Variants in KIRREL3 observed in about 807,000 individuals in gnomAD.
KIRREL3 encodes the protein kirre like nephrin family adhesion molecule 3.
Under a neutral mutation model 89.7 loss-of-function variants are expected in KIRREL3, and 36 were observed. The observed-to-expected ratio is 0.40, with a 90% CI of 0.31 to 0.53. The LOEUF (loss-of-function observed/expected upper bound fraction) is 0.53, where lower values mean the gene tolerates loss of function less well. Ranked by LOEUF, KIRREL3 falls within the 20% of genes least tolerant of loss-of-function variation. The pLI is 0.49. For synonymous variants in KIRREL3, 445 were observed against 441.4 expected, an observed-to-expected ratio of 1.01 and a Z score of -0.10; for missense variants, 864 against 1,056.6, an observed-to-expected ratio of 0.82 and a Z score of 2.53.
At chr11:126,911,692 T>C (rs868139663) in intron 1 of KIRREL3, among the ~76,000 whole-genome samples, 2 of 152,022 alleles carry the variant, frequency 1.3e-5, no homozygotes, top group Non-Finnish European at 2.9e-5. Flanking sequence ...GATGTGTCCA[T>C]AAGAACGGCA....
Position 126,719,307 on chromosome 11 carries a change from C to T in KIRREL3, c.56-156395G>A, listed in dbSNP as rs774074618. On this transcript the variant is annotated intron_variant, in intron 1 of 16. Coordinates refer to ENST00000525144, the MANE Select transcript of KIRREL3 (RefSeq NM_032531.4). The surrounding 1 kb of genome is among the most constrained non-coding windows in gnomAD (Gnocchi z 4.7). ...CAAATGGCCAGCTCTTCTGTTTGAA[C>T]GCCTTCTTCTCTTAGCCTCTGGGAG... Among the ~76,000 whole-genome samples, 39 of 152,182 alleles carry T rather than the reference C, an allele frequency of 2.6e-4. No individual in the cohort carries two copies. Among genetic ancestry groups the T allele is most frequent in the Non-Finnish European group, 2.6e-4 (18 of 68,038 alleles).
At position 126,977,156 on chromosome 11, in the gene KIRREL3, G is replaced by A. The variant is rs1216779894; in HGVS notation, c.55+23299C>T. Among the ~76,000 whole-genome samples the A allele has an allele frequency of 6.6e-6, 1 of 151,906 alleles. No individual in the cohort carries two copies. The highest frequency in any genetic ancestry group is 1.5e-5 in the Non-Finnish European group (1 of 68,000). ...CTCCTTCTGGGTCTTAGTGTCACTT[G>A]GCACCTTTGTTACAGGCTCCTGCAC... On this transcript the variant is annotated intron_variant, in intron 1 of 16. Coordinates refer to ENST00000525144, the MANE Select transcript of KIRREL3 (RefSeq NM_032531.4). This position sits in a 1 kb window ranked among gnomAD's most constrained non-coding sequence, Gnocchi z 4.7.
rs1193285790 is a variant in KIRREL3, at chr11:126,594,892, T to C, written c.56-31980A>G. On this transcript the variant is annotated intron_variant, in intron 1 of 16. Coordinates refer to ENST00000525144, the MANE Select transcript of KIRREL3 (RefSeq NM_032531.4). The surrounding 1 kb of genome is among the most constrained non-coding windows in gnomAD (Gnocchi z 5.0). Reference sequence around the variant, plus strand: ...CGTGCTTCTCAGCGTTTTGCCCCAGTTGGCCTTCCGCCCCTGGGAGGGGGA... The same window carrying C: ...CGTGCTTCTCAGCGTTTTGCCCCAGCTGGCCTTCCGCCCCTGGGAGGGGGA... Among the ~76,000 whole-genome samples the C allele has an allele frequency of 1.3e-5, 2 of 152,258 alleles. No homozygotes were observed. Among genetic ancestry groups the C allele is most frequent in the Non-Finnish European group, 2.9e-5 (2 of 68,046 alleles).
At chr11:126,437,127 CAT>C (rs1378753702) in intron 11 of KIRREL3, 118 bp from the exon 12 acceptor site, 21 of 904,876 alleles carry the variant, frequency 2.3e-5, no homozygotes, top group Middle Eastern at 3.5e-4. Flanking sequence ...CACACTAACA[CAT>C]GTGCACACGG....
chr11:126,700,107 T>C (rs1203067679), intron 1 of KIRREL3, among the ~76,000 whole-genome samples: 1 of 151,834 alleles, frequency 6.6e-6, no homozygotes, highest in African/African-American at 2.4e-5. Flanking sequence ...GGCAGGAGGA[T>C]GGCTTGATTC....
rs138583624 is a variant in KIRREL3, at chr11:126,948,291, T to TA, written c.55+52163dup. Among the ~76,000 whole-genome samples the TA allele has an allele frequency of 0.17, 25,967 of 148,968 alleles. 2,825 individuals carry two copies. The highest frequency in any genetic ancestry group is 0.25 in the Non-Finnish European group (16,886 of 67,186). The stretch of plus-strand genomic sequence containing the variant: ...AGTTGGTCAAATTTCAAGAATAGCA[T>TA]AAAAAAAAAACCTCTTTGGCCTGAA... On this transcript the variant is annotated intron_variant, in intron 1 of 16. Coordinates refer to ENST00000525144, the MANE Select transcript of KIRREL3 (RefSeq NM_032531.4). This position sits in a 1 kb window ranked among gnomAD's most constrained non-coding sequence, Gnocchi z 4.5.
intron 1 of KIRREL3, among the ~76,000 whole-genome samples, chr11:126,662,704 T>C (rs1205852334): frequency 6.6e-6 from 1 of 152,154 alleles, no homozygotes; most frequent in Non-Finnish European, 1.5e-5. Context: ...TGGAGGCGAT[T>C]AGGTTTCAAC....
rs1030795727 is a variant in KIRREL3 at position 126,802,327 on chromosome 11, G to A, written c.55+198128C>T. 3.9e-5 allele frequency among the ~76,000 whole-genome samples: 6 copies of A among 152,188 alleles called. No individual in the cohort carries two copies. The highest frequency in any genetic ancestry group is 7.3e-5 in the Non-Finnish European group (5 of 68,034). On this transcript the variant is annotated intron_variant, in intron 1 of 16. Coordinates refer to ENST00000525144, the MANE Select transcript of KIRREL3 (RefSeq NM_032531.4). The surrounding 1 kb of genome is among the most constrained non-coding windows in gnomAD (Gnocchi z 5.2). ...AGGAAAAGCAGCCCAGGGAGATGGCGTTAGTGCCAGGCGGCCCGTGGAGAA... is the reference window on the plus strand; with the variant it reads ...AGGAAAAGCAGCCCAGGGAGATGGCATTAGTGCCAGGCGGCCCGTGGAGAA...
Position 126,427,861 on chromosome 11 carries a change from G to A in KIRREL3, c.1806+1318C>T, listed in dbSNP as rs1954998077. On this transcript the variant is annotated intron_variant, in intron 15 of 16. Transcript: ENST00000525144. The surrounding 1 kb of genome is among the most constrained non-coding windows in gnomAD (Gnocchi z 5.3). ...GAGGCTGCTGTAATCATCCAGGGGA[G>A]CAATGATGAGGCCTGAAGTAAAGAA... Among the ~76,000 whole-genome samples the A allele has an allele frequency of 6.6e-6, 1 of 152,222 alleles. No individual in the cohort carries two copies. The highest frequency in any genetic ancestry group is 2.4e-5 in the African/African-American group (1 of 41,446).
Position 126,891,825 on chromosome 11 carries a change from GTCTTT to G in KIRREL3, c.55+108625_55+108629del, listed in dbSNP as rs1197503443. Reference sequence around the variant, plus strand: ...AATCCAGGACTTCCCAGTGAGGTCTGTCTTTTCTTTGAAAGGGACAGAGGAGTGTG... The same window carrying G: ...AATCCAGGACTTCCCAGTGAGGTCTGTCTTTGAAAGGGACAGAGGAGTGTG... On this transcript the variant is annotated intron_variant, in intron 1 of 16. Coordinates refer to ENST00000525144, the MANE Select transcript of KIRREL3 (RefSeq NM_032531.4). This position sits in a 1 kb window ranked among gnomAD's most constrained non-coding sequence, Gnocchi z 5.1. Among the ~76,000 whole-genome samples the G allele has an allele frequency of 6.6e-6, 1 of 152,248 alleles. No homozygotes were observed. The highest frequency in any genetic ancestry group is 2.4e-5 in the African/African-American group (1 of 41,470).
chr11:126,834,484 G>A (rs1312750001), intron 1 of KIRREL3, among the ~76,000 whole-genome samples: 9 of 152,160 alleles, frequency 5.9e-5, no homozygotes, highest in Admixed American at 2.0e-4. Context: ...GCTCCCGGCA[G>A]GAAAGAGAAA....
chr11:126,952,363 C>T (rs147117071), intron 1 of KIRREL3, among the ~76,000 whole-genome samples: 14 of 151,246 alleles, frequency 9.3e-5, no homozygotes, highest in African/African-American at 2.7e-4. Flanking sequence ...CCAGACTGGG[C>T]GAAAGAGCAA....
At position 126,557,143 on chromosome 11, in the gene KIRREL3, C is replaced by T. The variant is rs185066308; in HGVS notation, c.133+5692G>A. On this transcript the variant is annotated intron_variant, in intron 2 of 16. Coordinates refer to ENST00000525144, the MANE Select transcript of KIRREL3 (RefSeq NM_032531.4). The surrounding 1 kb of genome is among the most constrained non-coding windows in gnomAD (Gnocchi z 5.6). ...CCTGCTCATCCCTGGGTCAGGTCCC[C>T]AGGCCAAGGACCCTGGCCTGCTGCT... Among the ~76,000 whole-genome samples, 60 of 152,326 alleles carry T rather than the reference C, an allele frequency of 3.9e-4. No homozygotes were observed. Among genetic ancestry groups the T allele is most frequent in the African/African-American group, 1.3e-3 (54 of 41,576 alleles).
intron 2 of KIRREL3, among the ~76,000 whole-genome samples, chr11:126,536,210 C>T (rs1032126405): frequency 3.9e-5 from 6 of 152,134 alleles, no homozygotes; most frequent in Non-Finnish European, 7.3e-5. Flanking sequence ...TTGGAAGGAA[C>T]AGTGATCTGG....
At chr11:126,881,042 G>T (rs1565379175) in intron 1 of KIRREL3, among the ~76,000 whole-genome samples, 1 of 152,208 alleles carries the variant, frequency 6.6e-6, no homozygotes, top group Non-Finnish European at 1.5e-5. Flanking sequence ...GAGCCATCCA[G>T]CTGTCAATCA....
At chr11:126,524,735 G>C (rs1958697169) in intron 3 of KIRREL3, among the ~76,000 whole-genome samples, 1 of 152,178 alleles carries the variant, frequency 6.6e-6, no homozygotes, top group Non-Finnish European at 1.5e-5. Context: ...GATGTAGCAG[G>C]CTGAAATCCC....
chr11:126,923,545 G>A (rs1457236434), intron 1 of KIRREL3, among the ~76,000 whole-genome samples: 42 of 149,080 alleles, frequency 2.8e-4, no homozygotes, highest in Non-Finnish European at 5.2e-4. Flanking sequence ...CAGGGTTCAA[G>A]TGATTCTCCT....
rs1335105875 is a variant in KIRREL3 at position 126,446,957 on chromosome 11, C to T, written c.998-71G>A. ...TCTGGGATCCTCCTTGCTGCTGCCT[C>T]CTTTTCCCCCTAGACCTTGACTGGG... On this transcript the variant is annotated intron_variant, in intron 8 of 16. Coordinates refer to ENST00000525144, the MANE Select transcript of KIRREL3 (RefSeq NM_032531.4). 3.2e-6 allele frequency: 5 copies of T among 1,545,672 alleles called. No homozygotes were observed. In the African/African-American group the frequency reaches 4.1e-5, roughly 13 times the overall value.
rs895962978 is a variant in KIRREL3 at position 126,501,102 on chromosome 11, G to A, written c.433+20213C>T. ...CCTCTGGGTTTCATTTCCTTGCTGT[G>A]AGCCTTGTGCGAGGCAGGATATCTC... is the stretch of plus-strand genomic sequence containing the variant. On this transcript the variant is annotated intron_variant, in intron 4 of 16. Coordinates refer to ENST00000525144, the MANE Select transcript of KIRREL3 (RefSeq NM_032531.4). This position sits in a 1 kb window ranked among gnomAD's most constrained non-coding sequence, Gnocchi z 5.8. Among the ~76,000 whole-genome samples, 1 of 152,156 alleles carries A rather than the reference G, an allele frequency of 6.6e-6. No individual in the cohort carries two copies. Among genetic ancestry groups the A allele is most frequent in the African/African-American group, 2.4e-5 (1 of 41,418 alleles).
Sources: gnomAD v4.1 joint callset for allele counts (sites outside exome capture counted in the v4.1 genomes callset) on GRCh38, gnomAD v4.1.1 for gene constraint, Gnocchi (gnomAD v3.1) non-coding constraint, MANE v1.5 for transcripts, NCBI Gene and HGNC (gene_info 2026-07-23, HGNC 2026-07-21) for gene names.